The following SMIM7 variants were observed in gnomAD, a reference collection of about 807,000 sequenced individuals.
The protein encoded by SMIM7 is UPF0608 protein C19orf42.
A neutral mutation model predicts 13.3 loss-of-function variants in SMIM7; 12 were observed. The ratio of observed to expected loss-of-function variants is 0.90; its 90% CI spans 0.58 to 1.46. The LOEUF is 1.46. Among genes scored for constraint, SMIM7 ranks in the 40% most tolerant of loss-of-function variants. The probability of loss-of-function intolerance (pLI) is 0.00; values close to 1 mark genes in which losing one functional copy is unlikely to be tolerated. For missense variants in SMIM7, 114 were observed against 94.8 expected (o/e 1.20, Z -0.84); for synonymous variants, 36 against 35.8 (o/e 1.01, Z -0.02).
intron 4 of SMIM7, chr19:16,640,618 G>A (rs1021752315): frequency 1.3e-5 from 2 of 152,222 alleles, no homozygotes; most frequent in East Asian, 1.9e-4. Context: ...GGGAGCCTGA[G>A]AGGGGTCTTT....
Position 16,659,396 on chromosome 19 carries a change from T to A in SMIM7, c.120A>T (p.Thr40=). Residue 40 remains threonine, a splice_region_variant and synonymous_variant, in exon 3 of 5, where the codon ACA becomes ACT. Transcript: ENST00000487416. ...TTCCAGGATCCAATTAGACCTTACC[T>A]GTGCTGGGCTCCCTGGACTCCTCCC... ...GFGEESREPS[T]GDNIREFLLS... The A allele has an allele frequency of 6.2e-7, 1 of 1,613,512 alleles. No homozygotes were observed. Among genetic ancestry groups the A allele is most frequent in the Non-Finnish European group, 8.5e-7 (1 of 1,179,896 alleles).
chr19:16,653,621 C>A, intron 4 of SMIM7: 1 of 185,182 alleles, frequency 5.4e-6, no homozygotes, highest in South Asian at 1.3e-4. Flanking sequence ...CAGGGCCGTG[C>A]ACAGTGGCTC....
At chr19:16,633,638 G>A (rs541203318) in intron 4 of SMIM7, among the ~76,000 whole-genome samples, 3 of 152,098 alleles carry the variant, frequency 2.0e-5, no homozygotes, top group African/African-American at 4.8e-5. Context: ...AGGCTGAGAC[G>A]GTTGAACCCA....
At chr19:16,650,146 C>T (rs1293425999) in intron 4 of SMIM7, among the ~76,000 whole-genome samples, 1 of 152,080 alleles carries the variant, frequency 6.6e-6, no homozygotes, top group Non-Finnish European at 1.5e-5. Flanking sequence ...TTCATTTTCT[C>T]CCTAACTTTT....
chr19:16,644,118 G>GTTTTTTTTTTTTT, downstream of SMIM7, among the ~76,000 whole-genome samples: 1 of 85,424 alleles, frequency 1.2e-5, no homozygotes, highest in Non-Finnish European at 2.2e-5. Context: ...AATTGTTTGC[G>GTTTTTTTTTTTTT]TTTTTTTTTT....
chr19:16,657,287 A>G (rs1165693996), intron 3 of SMIM7, among the ~76,000 whole-genome samples: 1 of 152,184 alleles, frequency 6.6e-6, no homozygotes, highest in Non-Finnish European at 1.5e-5. Context: ...CTCCTGACAG[A>G]GCACTGGTGC....
chr19:16,643,911 C>T (rs1424280979), downstream of SMIM7: 2 of 152,128 alleles, frequency 1.3e-5, no homozygotes, highest in Admixed American at 6.5e-5. Flanking sequence ...GGCTAAGGAC[C>T]TATTTACTGA....
At chr19:16,639,854 G>C (rs1039892051) in intron 4 of SMIM7, 3 of 152,138 alleles carry the variant, frequency 2.0e-5, no homozygotes, top group Non-Finnish European at 2.9e-5. Flanking sequence ...CGCCATGACT[G>C]TAAGTTTCCT....
At chr19:16,649,932 G>C (rs1180684918) in intron 4 of SMIM7, among the ~76,000 whole-genome samples, 1 of 152,168 alleles carries the variant, frequency 6.6e-6, no homozygotes, top group Non-Finnish European at 1.5e-5. Flanking sequence ...AATCCACAGA[G>C]ACAGGAAGCC....
chr19:16,631,567 G>A (rs1264561778), exon 5 of SMIM7: 1 of 152,112 alleles, frequency 6.6e-6, no homozygotes, highest in Non-Finnish European at 1.5e-5. Context: ...TCACTGCTGT[G>A]GCCTAAGCAG....
At chr19:16,659,791 G>A in intron 2 of SMIM7, 168 bp downstream of exon 2, 2 of 851,934 alleles carry the variant, frequency 2.3e-6, no homozygotes, top group Non-Finnish European at 3.7e-6. Context: ...GTCTCTCGGG[G>A]GGTGGGGGGC....
At chr19:16,635,913 T>C (rs1019537299) in intron 4 of SMIM7, among the ~76,000 whole-genome samples, 2 of 141,554 alleles carry the variant, frequency 1.4e-5, no homozygotes, top group Admixed American at 1.4e-4. Context: ...TATATATATA[T>C]ATATATATAT....
chr19:16,651,279 T>C (rs1297798342), intron 4 of SMIM7, among the ~76,000 whole-genome samples: 18 of 152,222 alleles, frequency 1.2e-4, no homozygotes, highest in Non-Finnish European at 1.5e-5. Flanking sequence ...ATGTCATCTC[T>C]GTCACACAAC....
chr19:16,660,032 G>A (rs1568310077), intron 1 of SMIM7, 32 bp from the exon 2 acceptor site: 2 of 1,614,026 alleles, frequency 1.2e-6, no homozygotes, highest in South Asian at 1.1e-5. Context: ...TACTAGGGGC[G>A]CCCCCGCGTC....
At chr19:16,643,080 G>A (rs539592582), downstream of SMIM7, among the ~76,000 whole-genome samples, 1 of 152,130 alleles carries the variant, frequency 6.6e-6, no homozygotes, top group African/African-American at 2.4e-5. Context: ...GGGATTACAG[G>A]CGTGAACCAC....
At chr19:16,650,401 C>G (rs2086508974) in intron 4 of SMIM7, among the ~76,000 whole-genome samples, 1 of 152,214 alleles carries the variant, frequency 6.6e-6, no homozygotes, top group Admixed American at 6.5e-5. Context: ...TTCCAAAGCT[C>G]AAACAACACA....
At chr19:16,634,372 A>C (rs113940324) in intron 4 of SMIM7, 2 of 152,114 alleles carry the variant, frequency 1.3e-5, no homozygotes, top group African/African-American at 4.8e-5. Flanking sequence ...CACTGTGACT[A>C]AGAGAATGCA....
At chr19:16,659,927 A>G (rs1430516170) in intron 2 of SMIM7, 32 bp downstream of exon 2, 4 of 1,598,480 alleles carry the variant, frequency 2.5e-6, no homozygotes, top group Admixed American at 3.4e-5. Flanking sequence ...GGTTCCCCGG[A>G]TGGAGCCGCA....
In SMIM7 at chr19:16,640,142, G is replaced by C. The variant is rs138813837; in HGVS notation, c.*137+6954C>G. 484 of 152,142 alleles carry C rather than the reference G, an allele frequency of 3.2e-3. 6 individuals carry two copies. The highest frequency in any genetic ancestry group is 0.011 in the African/African-American group (462 of 41,524). 9.4% of individuals were successfully genotyped at this position (152,142 alleles called of 1,614,324 possible). A position where few individuals can be genotyped will look rare whatever the true frequency, so the allele number is the denominator to read the frequency against. ...TTTTTGTGTTTTTTAGCAGCAGCACGATCTCTGCTCACTGCAACCTCTGCC... is the reference window on the plus strand; with the variant it reads ...TTTTTGTGTTTTTTAGCAGCAGCACCATCTCTGCTCACTGCAACCTCTGCC... On this transcript the variant is annotated intron_variant and NMD_transcript_variant, in intron 4 of 4. Transcript: ENST00000465250.
Sources: allele counts gnomAD v4.1 joint callset (sites outside exome capture counted in the v4.1 genomes callset), GRCh38; gene constraint gnomAD v4.1.1; transcripts MANE v1.5; gene names NCBI Gene and HGNC (gene_info 2026-07-23, HGNC 2026-07-21).